Variants in FNDC3B observed in about 807,000 individuals in gnomAD.
FNDC3B encodes the protein fibronectin type III domain-containing protein 3B.
Under a neutral mutation model 151.5 loss-of-function variants are expected in FNDC3B, and 12 were observed. The observed-to-expected ratio is 0.08, with a 90% CI of 0.05 to 0.13. The LOEUF is 0.13. FNDC3B is among the 10% of genes least tolerant of loss of function. The probability of loss-of-function intolerance (pLI) is 1.00; values close to 1 mark genes in which losing one functional copy is unlikely to be tolerated. For synonymous variants in FNDC3B, 528 were observed against 549.0 expected (o/e 0.96, Z 0.54); for missense variants, 1,214 against 1,505.3 (o/e 0.81, Z 3.20).
At chr3:172,371,421 G>A (rs536574146) in intron 23 of FNDC3B, among the ~76,000 whole-genome samples, 3 of 152,286 alleles carry the variant, frequency 2.0e-5, no homozygotes, top group South Asian at 2.1e-4. Flanking sequence ...TGTGCAGAAT[G>A]TTTCTTTAAT....
chr3:172,040,345 C>G lies in FNDC3B; in HGVS notation c.-29+574C>G, dbSNP rs1305792339. ...CGCCGGCGGGGGCGGTCGGGGGCCT[C>G]GAACCCGGGGATGCTCGCGGGGAGG... On this transcript the variant is annotated intron_variant, in intron 1 of 25. Transcript: ENST00000415807. The surrounding 1 kb of genome is among the most constrained non-coding windows in gnomAD (Gnocchi z 6.6). Among the ~76,000 whole-genome samples, 1 of 151,840 alleles carries G rather than the reference C, an allele frequency of 6.6e-6. No homozygotes were observed. Among genetic ancestry groups the G allele is most frequent in the Non-Finnish European group, 1.5e-5 (1 of 67,916 alleles).
chr3:172,187,460 A>C (rs1724250285), intron 3 of FNDC3B, among the ~76,000 whole-genome samples: 1 of 152,178 alleles, frequency 6.6e-6, no homozygotes, highest in Admixed American at 6.5e-5. Context: ...CACTTGGTAA[A>C]TACTGGAGGA....
At chr3:172,091,668 A>T (rs1459148241) in intron 1 of FNDC3B, among the ~76,000 whole-genome samples, 1 of 152,324 alleles carries the variant, frequency 6.6e-6, no homozygotes, top group Admixed American at 6.5e-5. Context: ...GTTGCTAAAC[A>T]TATAAGAATA....
At chr3:172,341,029 CAT>C (rs1733287945) in intron 16 of FNDC3B, 82 bp from the exon 17 acceptor site, 4 of 888,412 alleles carry the variant, frequency 4.5e-6, no homozygotes, top group South Asian at 1.4e-5. Flanking sequence ...TTCATGAAAA[CAT>C]AGAGCTTTTT....
At chr3:172,276,661 A>G (rs1283523103) in intron 6 of FNDC3B, among the ~76,000 whole-genome samples, 2 of 152,222 alleles carry the variant, frequency 1.3e-5, no homozygotes, top group Non-Finnish European at 2.9e-5. Flanking sequence ...TAATAGTTCA[A>G]ACAGCAGTGT....
intron 3 of FNDC3B, among the ~76,000 whole-genome samples, chr3:172,165,926 A>G (rs955145192): frequency 6.6e-6 from 1 of 152,230 alleles, no homozygotes; most frequent in Non-Finnish European, 1.5e-5. Context: ...CTTAGTTATC[A>G]GAAGGGAGTG....
At chr3:172,345,429 T>G (rs1292231933) in intron 19 of FNDC3B, among the ~76,000 whole-genome samples, 1 of 152,184 alleles carries the variant, frequency 6.6e-6, no homozygotes, top group African/African-American at 2.4e-5. Flanking sequence ...CACTGATTTA[T>G]CCTATAAAGA....
chr3:172,190,834 A>T (rs927903765), intron 3 of FNDC3B, among the ~76,000 whole-genome samples: 1 of 151,934 alleles, frequency 6.6e-6, no homozygotes, highest in African/African-American at 2.4e-5. Context: ...ATGCCCGGCT[A>T]ATTTTTTTAT....
chr3:172,210,371 T>G (rs971466550), intron 3 of FNDC3B, among the ~76,000 whole-genome samples: 1 of 152,216 alleles, frequency 6.6e-6, no homozygotes, highest in African/African-American at 2.4e-5. Flanking sequence ...TTTTTTCTTT[T>G]GAAATGGGGT....
At chr3:172,141,725 C>T (rs963669028) in intron 3 of FNDC3B, among the ~76,000 whole-genome samples, 1 of 152,118 alleles carries the variant, frequency 6.6e-6, no homozygotes, top group Admixed American at 6.5e-5. Context: ...TGGTTGGCAC[C>T]TGTAATCCCA....
At position 172,040,564 on chromosome 3, in the gene FNDC3B, G is replaced by C. The variant is rs982532203; in HGVS notation, c.-29+793G>C. 12 of 152,110 alleles carry C rather than the reference G, an allele frequency of 7.9e-5. No individual in the cohort carries two copies. The highest frequency in any genetic ancestry group is 4.6e-4 in the Admixed American group (7 of 15,232). 9.4% of individuals were successfully genotyped at this position (152,110 alleles called of 1,614,324 possible). On this transcript the variant is annotated intron_variant, in intron 1 of 25. Coordinates refer to ENST00000415807, the MANE Select transcript of FNDC3B (RefSeq NM_022763.4). The surrounding 1 kb of genome is among the most constrained non-coding windows in gnomAD (Gnocchi z 6.6). ...CGAGCCGGCGGCTGGAAGCTCGGGCGGGGGAGCGGGGCGCGGCGGGAAGGA... is the reference window on the plus strand; with the variant it reads ...CGAGCCGGCGGCTGGAAGCTCGGGCCGGGGAGCGGGGCGCGGCGGGAAGGA...
chr3:172,273,760 T>G (rs1729311405), intron 6 of FNDC3B, among the ~76,000 whole-genome samples: 1 of 152,218 alleles, frequency 6.6e-6, no homozygotes, highest in Non-Finnish European at 1.5e-5. Flanking sequence ...TGAAAGACTT[T>G]AGAGAAATGG....
At chr3:172,387,764 A>C (rs2108384571) in intron 25 of FNDC3B, among the ~76,000 whole-genome samples, 1 of 152,318 alleles carries the variant, frequency 6.6e-6, no homozygotes, top group East Asian at 1.9e-4. Flanking sequence ...CGGGTGTTTT[A>C]CATTGTGAGG....
intron 6 of FNDC3B, among the ~76,000 whole-genome samples, chr3:172,263,612 GAC>G (rs1473979485): frequency 0.011 from 484 of 44,198 alleles, 2 homozygotes; most frequent in African/African-American, 0.041. Flanking sequence ...TTTTTTTTTT[GAC>G]ACACTGACAG....
At chr3:172,064,766 G>A (rs1015077572) in intron 1 of FNDC3B, among the ~76,000 whole-genome samples, 1 of 152,146 alleles carries the variant, frequency 6.6e-6, no homozygotes, top group Non-Finnish European at 1.5e-5. Flanking sequence ...CTGGTTTTGG[G>A]CTCTTCAAAT....
chr3:172,339,378 T>C (rs898973989), intron 16 of FNDC3B, among the ~76,000 whole-genome samples: 1 of 151,940 alleles, frequency 6.6e-6, no homozygotes, highest in African/African-American at 2.4e-5. Context: ...CTGGCCAACA[T>C]GGTGAAACCC....
intron 4 of FNDC3B, among the ~76,000 whole-genome samples, chr3:172,241,126 G>A (rs899572321): frequency 4.6e-5 from 7 of 152,106 alleles, no homozygotes; most frequent in Admixed American, 2.0e-4. Context: ...GAGGCTAAAC[G>A]TATCACTTTT....
chr3:172,390,414 C>T (rs1457359531), intron 25 of FNDC3B, among the ~76,000 whole-genome samples: 1 of 152,084 alleles, frequency 6.6e-6, no homozygotes, highest in African/African-American at 2.4e-5. Flanking sequence ...TTTTAAAATA[C>T]ATTTTCAGAT....
At chr3:172,115,921 T>C (rs980590542) in intron 2 of FNDC3B, among the ~76,000 whole-genome samples, 2 of 152,236 alleles carry the variant, frequency 1.3e-5, no homozygotes, top group Non-Finnish European at 2.9e-5. Flanking sequence ...ATGAGAAAGC[T>C]CTGCAGTTCC....
Sources: gnomAD v4.1 joint callset for allele counts (sites outside exome capture counted in the v4.1 genomes callset) on GRCh38, gnomAD v4.1.1 for gene constraint, Gnocchi (gnomAD v3.1) non-coding constraint, MANE v1.5 for transcripts, NCBI Gene and HGNC (gene_info 2026-07-23, HGNC 2026-07-21) for gene names.